The following GSTCD variants were observed in gnomAD, a reference collection of about 807,000 sequenced individuals.
GSTCD encodes glutathione S-transferase C-terminal domain-containing protein.
A neutral mutation model predicts 68.3 loss-of-function variants in GSTCD; 44 were observed. The observed-to-expected ratio is 0.64, with a 90% confidence interval of 0.51 to 0.83. The LOEUF is 0.83. Ranked by LOEUF, GSTCD falls within the 40% of genes least tolerant of loss-of-function variation. The pLI, the probability that GSTCD is intolerant of heterozygous loss-of-function variation, is 0.00. For missense variants in GSTCD, 739 were observed against 735.9 expected, an observed-to-expected ratio of 1.00 and a Z score of -0.05; for synonymous variants, 273 against 255.2, an observed-to-expected ratio of 1.07 and a Z score of -0.67.
chr4:105,815,837 T>A (rs1198291076), intron 5 of GSTCD, among the ~76,000 whole-genome samples: 1 of 152,184 alleles, frequency 6.6e-6, no homozygotes, highest in Non-Finnish European at 1.5e-5. Context: ...TTCAGTTTGG[T>A]CTTGTGGGCA....
At chr4:105,728,068 T>C (rs1293787143) in intron 4 of GSTCD, among the ~76,000 whole-genome samples, 1 of 152,166 alleles carries the variant, frequency 6.6e-6, no homozygotes, top group Non-Finnish European at 1.5e-5. Flanking sequence ...AACATGATTA[T>C]ATAGTTGATT....
Position 105,739,475 on chromosome 4 carries a change from A to G in GSTCD, c.1240+9976A>G, listed in dbSNP as rs1490344538. ...AATGTTTGGTATAATTCAGCTGTGA[A>G]GCCATCAGGTCCTAAGCTTTTCTTT... On this transcript the variant is annotated intron_variant, in intron 5 of 11. Coordinates refer to ENST00000515279, the MANE Select transcript of GSTCD (RefSeq NM_001370181.1). 2.0e-5 allele frequency among the ~76,000 whole-genome samples: 3 copies of G among 152,212 alleles called. No homozygotes were observed. In the East Asian group the frequency reaches 5.8e-4, roughly 29 times the overall value.
At chr4:105,711,984 A>G (rs1023650105) in intron 1 of GSTCD, among the ~76,000 whole-genome samples, 22 of 152,220 alleles carry the variant, frequency 1.4e-4, no homozygotes, top group Non-Finnish European at 1.5e-5. Flanking sequence ...TTTAATTTAT[A>G]CTTAGTTGGT....
At chr4:105,741,094 A>T (rs1473991270) in intron 5 of GSTCD, among the ~76,000 whole-genome samples, 2 of 152,124 alleles carry the variant, frequency 1.3e-5, no homozygotes. Context: ...GCCATATATA[A>T]TTCTTAATTT....
rs151026068 is a variant in GSTCD, at chr4:105,774,817, T to C, written c.1240+45318T>C. 2.4e-3 allele frequency among the ~76,000 whole-genome samples: 368 copies of C among 152,268 alleles called. 2 individuals are homozygous for C. Among genetic ancestry groups the C allele is most frequent in the African/African-American group, 8.6e-3 (357 of 41,548 alleles). The stretch of plus-strand genomic sequence containing the variant: ...TTCATTTCAACCTTGGTGAATCTGA[T>C]GATTATGTGTCTTGGGGCTACTCTT... On this transcript the variant is annotated intron_variant, in intron 5 of 11. Transcript: ENST00000515279.
chr4:105,753,801 T>C (rs1280303358), intron 5 of GSTCD, among the ~76,000 whole-genome samples: 1 of 152,106 alleles, frequency 6.6e-6, no homozygotes, highest in African/African-American at 2.4e-5. Context: ...TTATAGTTAA[T>C]GCAAAACTAG....
intron 9 of GSTCD, among the ~76,000 whole-genome samples, chr4:105,835,069 G>T (rs751285190): frequency 4.6e-5 from 7 of 152,144 alleles, no homozygotes; most frequent in Non-Finnish European, 1.0e-4. Context: ...CTACCTCAAG[G>T]TTTTTGTGAA....
At chr4:105,775,348 T>A (rs1735013739) in intron 5 of GSTCD, among the ~76,000 whole-genome samples, 1 of 152,262 alleles carries the variant, frequency 6.6e-6, no homozygotes, top group Admixed American at 6.5e-5. Context: ...ATCCTACTTC[T>A]GTCAATTCGC....
At chr4:105,797,022 G>T (rs1735913946) in intron 5 of GSTCD, among the ~76,000 whole-genome samples, 1 of 151,242 alleles carries the variant, frequency 6.6e-6, no homozygotes, top group South Asian at 2.1e-4. Flanking sequence ...AGGTTGAAGA[G>T]GAAATGATAA....
At chr4:105,765,070 AC>A (rs1734554450) in intron 5 of GSTCD, among the ~76,000 whole-genome samples, 1 of 152,186 alleles carries the variant, frequency 6.6e-6, no homozygotes, top group Non-Finnish European at 1.5e-5. Context: ...ATGCACATGT[AC>A]TGTATAACAG....
At chr4:105,743,733 A>G (rs1234835720) in intron 5 of GSTCD, among the ~76,000 whole-genome samples, 5 of 129,132 alleles carry the variant, frequency 3.9e-5, no homozygotes, top group African/African-American at 1.5e-4. Flanking sequence ...ATCTTGGCTT[A>G]CTGCAAGCTC....
chr4:105,805,898 T>C (rs1316769406), intron 5 of GSTCD, among the ~76,000 whole-genome samples: 1 of 152,232 alleles, frequency 6.6e-6, no homozygotes, highest in African/African-American at 2.4e-5. Context: ...AATTTTCCCA[T>C]TACATCTGTT....
chr4:105,792,415 C>A (rs1467467652), intron 5 of GSTCD, among the ~76,000 whole-genome samples: 2 of 151,906 alleles, frequency 1.3e-5, no homozygotes, highest in Admixed American at 6.6e-5. Context: ...TCTTTGTAAG[C>A]TGGGAGGAAG....
In GSTCD at chr4:105,812,357, T is replaced by C. The variant is rs1722789917; in HGVS notation, c.1241-10597T>C. Among the ~76,000 whole-genome samples, 8 of 151,206 alleles carry C rather than the reference T, an allele frequency of 5.3e-5. No homozygotes were observed. In the South Asian group the frequency reaches 1.7e-3, roughly 31 times the overall value. ...CATGCTTACACACTATAGTTTTTTA[T>C]TTTTATTTTTATTTTTATTTTCATG... On this transcript the variant is annotated intron_variant, in intron 5 of 11. Coordinates refer to ENST00000515279, the MANE Select transcript of GSTCD (RefSeq NM_001370181.1).
intron 5 of GSTCD, among the ~76,000 whole-genome samples, chr4:105,760,048 G>A (rs1193768656): frequency 6.6e-6 from 1 of 151,372 alleles, no homozygotes; most frequent in African/African-American, 2.4e-5. Flanking sequence ...AAACCTATGT[G>A]TTCTCTACCT....
Position 105,845,473 on chromosome 4 carries a change from C to T in GSTCD, c.1798C>T (p.Arg600Ter), listed in dbSNP as rs375779179. ...KQCMCLVDLDRARAAEECGYS... is the reference protein window; with the variant it reads ...KQCMCLVDLD ...GTGCATGTGCTTGGTGGATCTGGAT[C>T]GAGCAAGAGCTGCAGAAGAATGTGG... The change falls in exon 12 of 12, where the codon CGA becomes TGA. Residue 600 changes from arginine to a stop codon, truncating the protein, a stop_gained. Transcript: ENST00000515279. LOFTEE classifies it high-confidence loss of function. 6.2e-6 allele frequency: 10 copies of T among 1,613,964 alleles called. No individual in the cohort carries two copies. Among genetic ancestry groups the T allele is most frequent in the African/African-American group, 4.0e-5 (3 of 74,910 alleles).
At position 105,845,525 on chromosome 4, in the gene GSTCD, A is replaced by T; in HGVS notation, c.1850A>T (p.Glu617Val). 1 of 1,614,114 alleles carries T rather than the reference A, an allele frequency of 6.2e-7. No individual in the cohort carries two copies. Among genetic ancestry groups the T allele is most frequent in the African/African-American group, 1.3e-5 (1 of 75,050 alleles). The change falls in exon 12 of 12, where the codon GAG (glutamate) becomes GTG (valine). Residue 617 changes from glutamate to valine, a missense_variant. Physicochemically the swap from Glu to Val is moderately radical, Grantham distance 121 (BLOSUM62 -2). Transcript: ENST00000515279. ...CGYSVQVISMEPESCSPKNNM... is the reference protein window; with the variant it reads ...CGYSVQVISMVPESCSPKNNM... ...TACTCCGTTCAAGTGATATCCATGG[A>T]GCCAGAGAGCTGCTCTCCCAAAAAT...
intron 1 of GSTCD, among the ~76,000 whole-genome samples, chr4:105,714,299 C>T (rs527700281): frequency 6.6e-6 from 1 of 152,104 alleles, no homozygotes. Context: ...GAGTAAATTA[C>T]TCTATTTCTG....
chr4:105,820,265 G>A (rs371460342), intron 5 of GSTCD, among the ~76,000 whole-genome samples: 1 of 151,542 alleles, frequency 6.6e-6, no homozygotes, highest in Non-Finnish European at 1.5e-5. Flanking sequence ...ACACTGAAGT[G>A]TCTAATCAAG....
Sources: gnomAD v4.1 joint callset for allele counts (sites outside exome capture counted in the v4.1 genomes callset) on GRCh38, gnomAD v4.1.1 for gene constraint, MANE v1.5 for transcripts, NCBI Gene and HGNC (gene_info 2026-07-23, HGNC 2026-07-21) for gene names.